MRTFB: variants seen among roughly 807,000 people sequenced by gnomAD.
MRTFB encodes myocardin-related transcription factor B.
A neutral mutation model predicts 104.2 loss-of-function variants in MRTFB; 29 were observed. The observed-to-expected ratio is 0.28, with a 90% confidence interval of 0.21 to 0.38. MRTFB has a LOEUF of 0.38. Ranked by LOEUF, MRTFB falls within the 10% of genes least tolerant of loss-of-function variation. MRTFB has a pLI of 1.00. For synonymous variants in MRTFB, 535 were observed against 519.5 expected (o/e 1.03, Z -0.41); for missense variants, 1,270 against 1,341.6 (o/e 0.95, Z 0.83).
At chr16:14,220,678 G>A (rs1372009456) in intron 8 of MRTFB, among the ~76,000 whole-genome samples, 1 of 152,090 alleles carries the variant, frequency 6.6e-6, no homozygotes, top group Non-Finnish European at 1.5e-5. Context: ...TTAAGCCTTG[G>A]GTCATTCCTG....
chr16:14,179,403 G>T (rs1225171561), intron 3 of MRTFB, among the ~76,000 whole-genome samples: 1 of 152,126 alleles, frequency 6.6e-6, no homozygotes, highest in Non-Finnish European at 1.5e-5. Context: ...CTTTGTTACT[G>T]TGTGGCAACA....
chr16:14,136,041 C>T (rs1424768488), intron 2 of MRTFB, among the ~76,000 whole-genome samples: 6 of 152,110 alleles, frequency 3.9e-5, no homozygotes, highest in East Asian at 1.9e-4. Flanking sequence ...GAGGCCGAAG[C>T]GGGTGGATCA....
intron 3 of MRTFB, chr16:14,151,545 C>T (rs762347551): frequency 2.0e-5 from 3 of 152,204 alleles, no homozygotes; most frequent in Non-Finnish European, 2.9e-5. Flanking sequence ...TATAACTTAG[C>T]ATTTCTTTTG....
chr16:14,169,787 G>A (rs998432836), intron 3 of MRTFB, among the ~76,000 whole-genome samples: 2 of 152,128 alleles, frequency 1.3e-5, no homozygotes, highest in African/African-American at 4.8e-5. Context: ...CTACTTGAGA[G>A]GCTAGGGCAA....
At chr16:14,015,756 A>G in the MRTFB span, 2 of 395,814 alleles carry the variant, frequency 5.1e-6, no homozygotes, top group Non-Finnish European at 8.9e-6. Flanking sequence ...AATTAAAATG[A>G]GACTGTGTGA....
chr16:14,239,887 T>TA (rs371220278), intron 9 of MRTFB, among the ~76,000 whole-genome samples: 200 of 152,362 alleles, frequency 1.3e-3, no homozygotes, highest in African/African-American at 4.4e-3. Context: ...TTTCCCATTG[T>TA]ATATTTAGCA....
chr16:14,048,619 G>A, the MRTFB span, among the ~76,000 whole-genome samples: 6 of 152,176 alleles, frequency 3.9e-5, no homozygotes, highest in Non-Finnish European at 7.4e-5. Flanking sequence ...CTTATTCTAA[G>A]TGTGGTGGGA....
the MRTFB span, among the ~76,000 whole-genome samples, chr16:14,004,328 C>G: frequency 7.2e-5 from 11 of 152,318 alleles, no homozygotes; most frequent in East Asian, 1.9e-3. Context: ...ACAGGTTAAT[C>G]AGGGTCAGGC....
chr16:14,116,331 T>C (rs1424518809), intron 2 of MRTFB, among the ~76,000 whole-genome samples: 1 of 152,184 alleles, frequency 6.6e-6, no homozygotes, highest in Non-Finnish European at 1.5e-5. Flanking sequence ...CAAGGAAACC[T>C]TTCCCCTCCT....
intron 15 of MRTFB, among the ~76,000 whole-genome samples, chr16:14,256,158 A>AT (rs981997205): frequency 1.4e-4 from 19 of 138,724 alleles, no homozygotes; most frequent in East Asian, 6.6e-4. Flanking sequence ...AAAATGTCAA[A>AT]TTTTTTTTTA....
chr16:14,259,083 T>G (rs1034572344), intron 16 of MRTFB, among the ~76,000 whole-genome samples: 1 of 108,046 alleles, frequency 9.3e-6, no homozygotes, highest in Non-Finnish European at 2.0e-5. Context: ...GATATTTGAC[T>G]ACAGATCTAC....
chr16:14,075,502 G>A (rs2033982373), intron 1 of MRTFB, among the ~76,000 whole-genome samples: 1 of 152,248 alleles, frequency 6.6e-6, no homozygotes. Context: ...TCAAACTTGA[G>A]TATGTATTAA....
Position 14,116,490 on chromosome 16 carries a change from G to C in MRTFB, c.-63-24054G>C, listed in dbSNP as rs80288851. On this transcript the variant is annotated intron_variant, in intron 2 of 16. Coordinates refer to ENST00000571589, the MANE Select transcript of MRTFB (RefSeq NM_001308142.2). ...TTTTATATGCTTATTTCATGACCTG[G>C]TGTTTAACACCCTCCTAAGCCTCTG... Among the ~76,000 whole-genome samples the C allele has an allele frequency of 6.5e-3, 985 of 152,144 alleles. 10 individuals are homozygous for C. The highest frequency in any genetic ancestry group is 0.021 in the African/African-American group (883 of 41,486).
Position 14,217,205 on chromosome 16 carries a change from G to A in MRTFB, c.432G>A (p.Lys144=), listed in dbSNP as rs760295600. The part of the protein sequence containing the change: ...RARLADDLNE[K]IAQRPGPMEL... ...GACTAGCAGATGATCTGAATGAAAAGATTGCTCAAAGACCTGGTCCTATGG... is the reference window on the plus strand; with the variant it reads ...GACTAGCAGATGATCTGAATGAAAAAATTGCTCAAAGACCTGGTCCTATGG... The change falls in exon 7 of 17, where the codon AAG becomes AAA. Residue 144 remains lysine (K), a synonymous_variant. Transcript: ENST00000571589. The A allele has an allele frequency of 6.2e-7, 1 of 1,613,956 alleles. No individual in the cohort carries two copies. Among genetic ancestry groups the A allele is most frequent in the South Asian group, 1.1e-5 (1 of 91,032 alleles).
the MRTFB span, among the ~76,000 whole-genome samples, chr16:14,046,651 C>G: frequency 6.6e-6 from 1 of 152,292 alleles, no homozygotes; most frequent in Non-Finnish European, 1.5e-5. Context: ...TCCTCCAGCT[C>G]ACTGTAAATG....
intron 2 of MRTFB, among the ~76,000 whole-genome samples, chr16:14,109,134 T>C (rs1246178025): frequency 6.6e-6 from 1 of 152,222 alleles, no homozygotes; most frequent in Non-Finnish European, 1.5e-5. Context: ...GCAATTTCTA[T>C]AAAAATATGG....
rs1037830132 is a variant in MRTFB at position 14,263,404 on chromosome 16, C to T, written c.*1960C>T. 2 of 152,092 alleles carry T rather than the reference C, an allele frequency of 1.3e-5. No individual in the cohort carries two copies. The highest frequency in any genetic ancestry group is 2.9e-5 in the Non-Finnish European group (2 of 68,020). The allele number at this position is 152,092 out of a possible 1,614,324, so 9.4% of individuals were successfully genotyped here. A position where few individuals can be genotyped will look rare whatever the true frequency, so the allele number is the denominator to read the frequency against. On this transcript the variant is annotated 3_prime_UTR_variant, in exon 17 of 17. Transcript: ENST00000571589. ...AAGTATTTTTCTTACAGTTCTTGGCCACAGTTTTTTTGCTGAGGGTTTCTG... is the reference window on the plus strand; with the variant it reads ...AAGTATTTTTCTTACAGTTCTTGGCTACAGTTTTTTTGCTGAGGGTTTCTG...
intron 2 of MRTFB, among the ~76,000 whole-genome samples, chr16:14,098,503 C>T (rs1000658744): frequency 2.0e-5 from 3 of 152,136 alleles, no homozygotes; most frequent in African/African-American, 7.2e-5. Context: ...TTATCTCAGC[C>T]TATGACTTAT....
the MRTFB span, among the ~76,000 whole-genome samples, chr16:14,053,451 G>C: frequency 3.6e-3 from 550 of 152,146 alleles, 3 homozygotes; most frequent in African/African-American, 0.013. Context: ...TAAAAAATTA[G>C]GCTGGGCACA....
Sources: gnomAD v4.1 joint callset for allele counts (sites outside exome capture counted in the v4.1 genomes callset) on GRCh38, gnomAD v4.1.1 for gene constraint, MANE v1.5 for transcripts, NCBI Gene and HGNC (gene_info 2026-07-23, HGNC 2026-07-21) for gene names.